Variants in EPHA6 observed in about 807,000 individuals in gnomAD.
EPHA6 encodes the protein ephrin type-A receptor 6.
Under a neutral mutation model 112.0 loss-of-function variants are expected in EPHA6, and 50 were observed. The observed-to-expected ratio is 0.45, with a 90% CI of 0.36 to 0.56. The LOEUF is 0.56. Among genes scored for constraint, EPHA6 ranks in the 20% least tolerant of loss-of-function variants. EPHA6 has a pLI of 0.00. For missense variants in EPHA6, 1,280 were observed against 1,417.4 expected (o/e 0.90, Z 1.56); for synonymous variants, 529 against 490.7 (o/e 1.08, Z -1.03).
intron 7 of EPHA6, among the ~76,000 whole-genome samples, chr3:97,473,821 TA>T (rs1390881558): frequency 6.6e-6 from 1 of 151,834 alleles, no homozygotes; most frequent in Non-Finnish European, 1.5e-5. Context: ...GTACATTATT[TA>T]TTGGATAAGA....
intron 11 of EPHA6, among the ~76,000 whole-genome samples, chr3:97,534,299 A>C (rs1332508415): frequency 6.6e-6 from 1 of 152,054 alleles, no homozygotes; most frequent in East Asian, 1.9e-4. Flanking sequence ...TTACCATTTC[A>C]TTCTCACAGC....
At chr3:97,347,144 G>T (rs2083571559) in intron 5 of EPHA6, among the ~76,000 whole-genome samples, 1 of 151,970 alleles carries the variant, frequency 6.6e-6, no homozygotes, top group Non-Finnish European at 1.5e-5. Context: ...GAGATTAAAG[G>T]CATCATGAAA....
At chr3:96,984,923 A>G (rs1046934948) in intron 2 of EPHA6, among the ~76,000 whole-genome samples, 1 of 152,194 alleles carries the variant, frequency 6.6e-6, no homozygotes, top group Non-Finnish European at 1.5e-5. Flanking sequence ...GGTGGGAGTG[A>G]CCCAATTTTC....
intron 2 of EPHA6, among the ~76,000 whole-genome samples, chr3:96,916,676 G>A (rs2039497838): frequency 6.6e-6 from 1 of 152,074 alleles, no homozygotes; most frequent in Admixed American, 6.6e-5. Context: ...TCAAAGGGTA[G>A]GAAGTAAGTT....
chr3:97,442,478 C>T (rs1056285553), intron 6 of EPHA6, among the ~76,000 whole-genome samples: 4 of 151,978 alleles, frequency 2.6e-5, no homozygotes, highest in East Asian at 1.9e-4. Context: ...CACAGCTACT[C>T]GGGAGGCTGA....
chr3:97,129,324 C>A (rs1475264190), intron 3 of EPHA6, among the ~76,000 whole-genome samples: 1 of 151,762 alleles, frequency 6.6e-6, no homozygotes, highest in Non-Finnish European at 1.5e-5. Context: ...ACGGTGAAAC[C>A]CTGTCTCTAC....
Position 97,748,994 on chromosome 3 carries a change from T to A in EPHA6, c.*293T>A. On this transcript the variant is annotated 3_prime_UTR_variant, in exon 18 of 18. Transcript: ENST00000389672. The stretch of plus-strand genomic sequence containing the variant: ...TTTTGTATAAGCCGTATATGGGAAG[T>A]GTTCACGGACTTAACCTAAAAAAAT... 8.2e-6 allele frequency: 3 copies of A among 366,128 alleles called. No homozygotes were observed. Among genetic ancestry groups the A allele is most frequent in the Non-Finnish European group, 1.5e-5 (3 of 195,020 alleles). The allele number at this position is 366,128 out of a possible 1,614,324, so 22.7% of individuals were successfully genotyped here. A position where few individuals can be genotyped will look rare whatever the true frequency, so the allele number is the denominator to read the frequency against.
intron 12 of EPHA6, among the ~76,000 whole-genome samples, chr3:97,596,838 G>A (rs2093596255): frequency 7.8e-6 from 1 of 127,884 alleles, no homozygotes; most frequent in African/African-American, 3.1e-5. Context: ...GTATACATTT[G>A]AGTTTGGTCT....
chr3:97,187,316 G>A (rs998104747), intron 3 of EPHA6, among the ~76,000 whole-genome samples: 5 of 152,014 alleles, frequency 3.3e-5, no homozygotes, highest in Non-Finnish European at 5.9e-5. Flanking sequence ...GGTGGCTCAC[G>A]CCTGTATTCC....
At chr3:96,994,705 G>GTATA (rs2043337672) in intron 3 of EPHA6, among the ~76,000 whole-genome samples, 1 of 88,796 alleles carries the variant, frequency 1.1e-5, no homozygotes, top group African/African-American at 7.3e-5. Context: ...GTGTGTGTGT[G>GTATA]TGTGTATATA....
At chr3:97,262,505 A>G (rs953636733) in intron 5 of EPHA6, among the ~76,000 whole-genome samples, 2 of 152,128 alleles carry the variant, frequency 1.3e-5, no homozygotes, top group African/African-American at 4.8e-5. Flanking sequence ...CTACACATGC[A>G]TGTATTTTGT....
At chr3:97,232,425 C>T (rs1380474468) in intron 4 of EPHA6, among the ~76,000 whole-genome samples, 3 of 152,090 alleles carry the variant, frequency 2.0e-5, no homozygotes, top group African/African-American at 4.8e-5. Flanking sequence ...GTCAGGTTCA[C>T]GGCTTCCATC....
chr3:97,732,133 G>T (rs1257952494), intron 15 of EPHA6, among the ~76,000 whole-genome samples: 2 of 151,668 alleles, frequency 1.3e-5, no homozygotes, highest in Non-Finnish European at 2.9e-5. Flanking sequence ...TTTATATCAT[G>T]CCAAATCATT....
chr3:97,539,483 A>G (rs903023710), intron 11 of EPHA6, among the ~76,000 whole-genome samples: 1 of 152,060 alleles, frequency 6.6e-6, no homozygotes, highest in African/African-American at 2.4e-5. Context: ...GTGTTCAGTA[A>G]TGAATAAGAA....
At chr3:97,732,831 G>C (rs1559635037) in intron 15 of EPHA6, among the ~76,000 whole-genome samples, 1 of 151,982 alleles carries the variant, frequency 6.6e-6, no homozygotes, top group East Asian at 1.9e-4. Flanking sequence ...TTTTATCACT[G>C]TCACTCTTGC....
At chr3:97,681,445 CGAAAGGAAATTAAATATCTTCCTATCAG>C (rs1457282513) in intron 14 of EPHA6, among the ~76,000 whole-genome samples, 4 of 151,820 alleles carry the variant, frequency 2.6e-5, no homozygotes, top group South Asian at 2.1e-4. Flanking sequence ...AGAGAAAAAT[CGAAAGGAAATTAAATATCTTCCTATCAG>C]GAATATTAAA....
chr3:97,093,197 A>T (rs1312973694), intron 3 of EPHA6, among the ~76,000 whole-genome samples: 1 of 152,142 alleles, frequency 6.6e-6, no homozygotes, highest in African/African-American at 2.4e-5. Flanking sequence ...TAGCCATCTT[A>T]TCAAGCTAAC....
At chr3:96,826,916 C>G (rs984259662) in intron 1 of EPHA6, among the ~76,000 whole-genome samples, 7 of 152,206 alleles carry the variant, frequency 4.6e-5, no homozygotes, top group Admixed American at 1.3e-4. Context: ...TAGTGATAAG[C>G]TCCTTGATAA....
intron 1 of EPHA6, among the ~76,000 whole-genome samples, chr3:96,821,825 T>C (rs1193234375): frequency 6.6e-6 from 1 of 151,892 alleles, no homozygotes; most frequent in African/African-American, 2.4e-5. Flanking sequence ...TCAGCAACCA[T>C]AGATTTAATA....
Sources: gnomAD v4.1 joint callset for allele counts (sites outside exome capture counted in the v4.1 genomes callset) on GRCh38, gnomAD v4.1.1 for gene constraint, MANE v1.5 for transcripts, NCBI Gene and HGNC (gene_info 2026-07-23, HGNC 2026-07-21) for gene names.